RFPL2: variants seen among roughly 807,000 people sequenced by gnomAD.
RFPL2 encodes the protein ret finger protein like 2.
In RFPL2, 13 loss-of-function variants were observed where a neutral mutation model predicts 17.8. The observed-to-expected ratio is 0.73, with a 90% CI of 0.47 to 1.16. The LOEUF (loss-of-function observed/expected upper bound fraction) is 1.16. RFPL2 is among the 50% of genes most tolerant of loss of function. The probability of loss-of-function intolerance (pLI) is 0.00; values close to 1 mark genes in which losing one functional copy is unlikely to be tolerated. For synonymous variants in RFPL2, 189 were observed against 180.9 expected (o/e 1.04, Z -0.36); for missense variants, 431 against 479.3 (o/e 0.90, Z 0.94).
At chr22:32,192,863 C>T (rs758268681) in intron 4 of RFPL2, 39 bp downstream of exon 4, 2 of 1,557,878 alleles carry the variant, frequency 1.3e-6, no homozygotes, top group South Asian at 2.5e-5. Flanking sequence ...TTTTCCTGGT[C>T]TGGTCTTGGG....
chr22:32,200,195 C>T lies in RFPL2; in HGVS notation c.119+2138G>A, dbSNP rs374564183. 3.9e-3 allele frequency: 1,439 copies of T among 369,878 alleles called. 37 individuals carry two copies. Among genetic ancestry groups the T allele is most frequent in the South Asian group, 0.028 (1,261 of 45,736 alleles). The allele number at this position is 369,878 out of a possible 1,614,324, so 22.9% of individuals were successfully genotyped here. On this transcript the variant is annotated intron_variant, in intron 2 of 4. Transcript: ENST00000652607. Reference sequence around the variant, plus strand: ...GCTGCCGGGTCACACACAAAGAGAGCGCTGTGGAGAAGACAGTGGCCCCTG... The same window carrying T: ...GCTGCCGGGTCACACACAAAGAGAGTGCTGTGGAGAAGACAGTGGCCCCTG...
At chr22:32,202,284 T>G (rs760019300) in intron 2 of RFPL2, 49 bp downstream of exon 2, 2 of 1,552,944 alleles carry the variant, frequency 1.3e-6, no homozygotes, top group African/African-American at 1.4e-5. Flanking sequence ...CTTTCCCTTA[T>G]AAAGACTCCA....
chr22:32,197,769 G>T (rs1168919719), intron 2 of RFPL2, among the ~76,000 whole-genome samples: 2 of 152,082 alleles, frequency 1.3e-5, no homozygotes, highest in Non-Finnish European at 2.9e-5. Flanking sequence ...AGTATTCCAT[G>T]GTGCATATGT....
intron 3 of RFPL2, chr22:32,193,404 T>C: frequency 6.5e-7 from 1 of 1,529,516 alleles, no homozygotes; most frequent in African/African-American, 1.4e-5. Flanking sequence ...GAATCATCAC[T>C]GTGCTCTGAG....
Position 32,194,446 on chromosome 22 carries a change from C to T in RFPL2, c.164G>A (p.Gly55Asp), listed in dbSNP as rs1923101954. 6.2e-7 allele frequency: 1 copy of T among 1,611,640 alleles called. No homozygotes were observed. The highest frequency in any genetic ancestry group is 8.5e-7 in the Non-Finnish European group (1 of 1,179,286). The change falls in exon 3 of 5, where the codon GGT (glycine) becomes GAT (aspartate). Residue 55 changes from glycine (G) to aspartate (D), a missense_variant. Transcript: ENST00000652607. ...EGVEGRDPVG[G>D]GNLTNKRPSC... ...GGGCCTTTTATTGGTGAGATTCCCA[C>T]CTCCCACTGGGTCACGCCCTTCCAC...
rs746338967 is a variant in RFPL2, at chr22:32,193,152, G to A, written c.306C>T (p.Pro102=). The A allele has an allele frequency of 2.4e-5, 38 of 1,613,804 alleles. No homozygotes were observed. Among genetic ancestry groups the A allele is most frequent in the Admixed American group, 2.2e-4 (13 of 59,988 alleles). The change falls in exon 4 of 5, where the codon CCC becomes CCT. Residue 102 remains proline (P), a synonymous_variant. Transcript: ENST00000652607. ...AALFQEASSC[P]VCSDYLEKPM... ...GTTTTTCCAGATAGTCTGAGCAGACGGGACAGCTGCTTGCTTCTTGGAAGA... is the reference window on the plus strand; with the variant it reads ...GTTTTTCCAGATAGTCTGAGCAGACAGGACAGCTGCTTGCTTCTTGGAAGA...
chr22:32,196,343 AT>A (rs889614032), intron 2 of RFPL2, among the ~76,000 whole-genome samples: 82 of 152,214 alleles, frequency 5.4e-4, no homozygotes, highest in Admixed American at 1.4e-3. Context: ...TTAAATGAAG[AT>A]TTTTTTCTTT....
rs761645655 is a variant in RFPL2, at chr22:32,190,810, T to C, written c.1099A>G (p.Thr367Ala). 6.5e-6 allele frequency: 10 copies of C among 1,545,046 alleles called. No homozygotes were observed. In the South Asian group the frequency reaches 1.2e-4, roughly 19 times the overall value. Residue 367 changes from threonine (T) to alanine (A), a missense_variant, in exon 5 of 5, where the codon ACT becomes GCT. Physicochemically the swap from Thr to Ala is moderately conservative, Grantham distance 58 (BLOSUM62 0). Transcript: ENST00000652607. The part of the protein sequence containing the change: ...LSICPLMNSG[T>A]TDAPVRPGEA... ...CCAGGACGGACTGGAGCATCAGTAG[T>C]GCCTGAGTTCATCAAAGGACAGATG...
At chr22:32,204,160 C>A (rs1470474395) in intron 1 of RFPL2, among the ~76,000 whole-genome samples, 2 of 145,924 alleles carry the variant, frequency 1.4e-5, no homozygotes, top group Non-Finnish European at 3.0e-5. Context: ...AACGCCCCAA[C>A]ACGCTCCTGG....
rs9621401 is a variant in RFPL2, at chr22:32,191,361, A to G, written c.557-9T>C. On this transcript the variant is annotated splice_polypyrimidine_tract_variant and intron_variant, in intron 4 of 4. Coordinates refer to ENST00000652607, the MANE Select transcript of RFPL2 (RefSeq NM_001394555.1). ...ATCCAAGGTCATATCCACTGTGAAA[A>G]GGAAAAAAAGTTGCTCAGCAAATGG... The G allele has an allele frequency of 0.033, 53,043 of 1,600,274 alleles. 1,248 individuals carry two copies. Among genetic ancestry groups the G allele is most frequent in the African/African-American group, 0.12 (8,802 of 74,196 alleles).
rs187100283 is a variant in RFPL2, at chr22:32,199,232, C to T, written c.119+3101G>A. 3.3e-5 allele frequency among the ~76,000 whole-genome samples: 5 copies of T among 151,966 alleles called. No individual in the cohort carries two copies. The East Asian group carries it at 9.7e-4, about 29-fold the overall frequency. ...GGGAAGGCTGTGGACATGAAGCAGC[C>T]GGGCAAAGGGTCACAGAAGGACATG... On this transcript the variant is annotated intron_variant, in intron 2 of 4. Transcript: ENST00000652607.
rs763032445 is a variant in RFPL2 at position 32,193,086 on chromosome 22, G to T, written c.372C>A (p.Cys124Ter). ...GGGGCTCCTTCTGCAGTGAATTAAT[G>T]CACTTGAGGCAGACGGCGCATCCAC... ...LECGCAVCLK[C>*]INSLQKEPHG... The change falls in exon 4 of 5, where the codon TGC (cysteine) becomes TGA (stop). Residue 124 changes from cysteine (C) to a stop codon, truncating the protein, a stop_gained. Transcript: ENST00000652607. LOFTEE classifies it high-confidence loss of function. 1 of 1,613,964 alleles carries T rather than the reference G, an allele frequency of 6.2e-7. No homozygotes were observed. The highest frequency in any genetic ancestry group is 1.1e-5 in the South Asian group (1 of 91,076).
In RFPL2 at chr22:32,196,253, T is replaced by G. The variant is rs16987619; in HGVS notation, c.120-1763A>C. ...AGGTTAGTGATTAATTTGTACTTAA[T>G]TCATAAAATAACAGCTTTGTTTTCA... On this transcript the variant is annotated intron_variant, in intron 2 of 4. Transcript: ENST00000652607. Among the ~76,000 whole-genome samples the G allele has an allele frequency of 7.5e-3, 1,136 of 152,364 alleles. 4 individuals are homozygous for G. Among genetic ancestry groups the G allele is most frequent in the Middle Eastern group, 0.037 (11 of 294 alleles).
chr22:32,202,286 A>G, intron 2 of RFPL2, 47 bp downstream of exon 2: 1 of 1,553,396 alleles, frequency 6.4e-7, no homozygotes, highest in Non-Finnish European at 8.7e-7. Flanking sequence ...TTCCCTTATA[A>G]AGACTCCACC....
intron 3 of RFPL2, 161 bp from the exon 4 acceptor site, chr22:32,193,353 C>T: frequency 6.4e-7 from 1 of 1,559,980 alleles, no homozygotes; most frequent in Non-Finnish European, 8.7e-7. Flanking sequence ...ATCCCCCCAC[C>T]CCCCGTCTTC....
intron 2 of RFPL2, among the ~76,000 whole-genome samples, chr22:32,200,807 G>A (rs998470536): frequency 3.7e-4 from 56 of 152,170 alleles, no homozygotes; most frequent in African/African-American, 1.3e-3. Flanking sequence ...CCCCAGCCCT[G>A]AAAGCCGGGC....
rs1214839156 is a variant in RFPL2, at chr22:32,190,695, T to A, written c.*77A>T. Reference sequence around the variant, plus strand: ...CTCCCGTGACTTTGTATAATGCTTTTACGAAGTAGAGCGTTCCTAAGTCTA... The same window carrying A: ...CTCCCGTGACTTTGTATAATGCTTTAACGAAGTAGAGCGTTCCTAAGTCTA... On this transcript the variant is annotated 3_prime_UTR_variant, in exon 5 of 5. Transcript: ENST00000652607. 1.4e-6 allele frequency: 2 copies of A among 1,399,800 alleles called. No individual in the cohort carries two copies. Among genetic ancestry groups the A allele is most frequent in the East Asian group, 4.7e-5 (2 of 42,774 alleles). The allele number at this position is 1,399,800 out of a possible 1,614,324, so 86.7% of individuals were successfully genotyped here.
At position 32,202,533 on chromosome 22, in the gene RFPL2, A is replaced by T; in HGVS notation, c.-82T>A. On this transcript the variant is annotated 5_prime_UTR_variant, in exon 2 of 5. Transcript: ENST00000652607. ...TTCTCAGGGCACTGGGCATCCGGGC[A>T]GACAAAGCCAGAAAAGCCTAGAACA... The T allele has an allele frequency of 6.5e-7, 1 of 1,535,912 alleles. No homozygotes were observed. The highest frequency in any genetic ancestry group is 8.8e-7 in the Non-Finnish European group (1 of 1,141,772).
intron 2 of RFPL2, among the ~76,000 whole-genome samples, chr22:32,194,717 C>A (rs1306050379): frequency 1.3e-5 from 2 of 152,192 alleles, no homozygotes; most frequent in Non-Finnish European, 2.9e-5. Flanking sequence ...ATGTTGTAGG[C>A]TTCAAGCTTT....
Sources: allele counts gnomAD v4.1 joint callset (sites outside exome capture counted in the v4.1 genomes callset), GRCh38; gene constraint gnomAD v4.1.1; transcripts MANE v1.5; gene names NCBI Gene and HGNC (gene_info 2026-07-23, HGNC 2026-07-21).